CNTNAP2: variants seen among roughly 807,000 people sequenced by gnomAD.
The protein encoded by CNTNAP2 is contactin-associated protein-like 2.
Under a neutral mutation model 155.2 loss-of-function variants are expected in CNTNAP2, and 98 were observed. The observed-to-expected ratio is 0.63, with a 90% CI of 0.54 to 0.75. CNTNAP2 has a LOEUF of 0.75. CNTNAP2 is among the 30% of genes least tolerant of loss of function. The pLI, the probability that CNTNAP2 is intolerant of heterozygous loss-of-function variation, is 0.00. For synonymous variants in CNTNAP2, 651 were observed against 631.2 expected (o/e 1.03, Z -0.47); for missense variants, 1,727 against 1,688.1 (o/e 1.02, Z -0.40).
chr7:147,883,982 T>TTA (rs2116720373), intron 13 of CNTNAP2, among the ~76,000 whole-genome samples: 1 of 152,180 alleles, frequency 6.6e-6, no homozygotes, highest in Non-Finnish European at 1.5e-5. Flanking sequence ...TGCAAATAGA[T>TTA]AAATAAAGTA....
intron 21 of CNTNAP2, among the ~76,000 whole-genome samples, chr7:148,381,878 C>A (rs924959172): frequency 2.1e-5 from 3 of 144,546 alleles, no homozygotes; most frequent in East Asian, 4.1e-4. Flanking sequence ...TGGCCCCCCC[C>A]CAGGGGAATT....
intron 1 of CNTNAP2, among the ~76,000 whole-genome samples, chr7:146,546,663 A>G (rs1798033766): frequency 6.6e-6 from 1 of 151,954 alleles, no homozygotes; most frequent in Admixed American, 6.6e-5. Context: ...TATAAAGGAA[A>G]GAGATGTAAT....
In CNTNAP2 at chr7:147,689,523, T is replaced by G. The variant is rs551576496; in HGVS notation, c.2098+50217T>G. The stretch of plus-strand genomic sequence containing the variant: ...CATCTTTTCTATCACGTTATTCTCT[T>G]TACACATTTGTCCGATTTCTTTCTG... On this transcript the variant is annotated intron_variant, in intron 13 of 23. Transcript: ENST00000361727. Among the ~76,000 whole-genome samples the G allele has an allele frequency of 1.5e-3, 236 of 152,324 alleles. 3 individuals are homozygous for G. The highest frequency in any genetic ancestry group is 5.3e-3 in the African/African-American group (219 of 41,576).
intron 5 of CNTNAP2, among the ~76,000 whole-genome samples, chr7:147,111,561 G>A (rs1800880663): frequency 6.6e-6 from 1 of 152,038 alleles, no homozygotes; most frequent in Non-Finnish European, 1.5e-5. Flanking sequence ...GTAAGGAAGG[G>A]GTCCAGTTTC....
chr7:147,889,222 A>G (rs1799646315), intron 13 of CNTNAP2, among the ~76,000 whole-genome samples: 1 of 152,148 alleles, frequency 6.6e-6, no homozygotes, highest in South Asian at 2.1e-4. Context: ...AAGAAAAAAT[A>G]CTTAAACATT....
In CNTNAP2 at chr7:147,884,270, C is replaced by A. The variant is rs1799570493; in HGVS notation, c.2099-19295C>A. On this transcript the variant is annotated intron_variant, in intron 13 of 23. Coordinates refer to ENST00000361727, the MANE Select transcript of CNTNAP2 (RefSeq NM_014141.6). The stretch of plus-strand genomic sequence containing the variant: ...AGAGGTCAGTGATAAATAAGGAATT[C>A]ATTCTTCACAGAAAATGGGGCGATG... Among the ~76,000 whole-genome samples the A allele has an allele frequency of 3.9e-5, 6 of 152,134 alleles. No homozygotes were observed. In the South Asian group the frequency reaches 1.2e-3, roughly 32 times the overall value.
chr7:146,184,193 C>G (rs949374278), intron 1 of CNTNAP2, among the ~76,000 whole-genome samples: 1 of 152,158 alleles, frequency 6.6e-6, no homozygotes, highest in Non-Finnish European at 1.5e-5. Flanking sequence ...CTGTACTGAA[C>G]TTTGCAACTC....
chr7:146,270,698 T>A (rs1167840210), intron 1 of CNTNAP2, among the ~76,000 whole-genome samples: 4 of 152,158 alleles, frequency 2.6e-5, no homozygotes, highest in African/African-American at 9.7e-5. Flanking sequence ...CTTTAAGCCT[T>A]AGATTGTAAA....
chr7:146,574,684 A>G (rs1386128887), intron 1 of CNTNAP2, among the ~76,000 whole-genome samples: 3 of 152,210 alleles, frequency 2.0e-5, no homozygotes, highest in Non-Finnish European at 4.4e-5. Context: ...CTGGTGACAG[A>G]GCGAGACTCC....
At chr7:147,193,911 T>G (rs376970199) in intron 8 of CNTNAP2, among the ~76,000 whole-genome samples, 1 of 151,920 alleles carries the variant, frequency 6.6e-6, no homozygotes, top group Non-Finnish European at 1.5e-5. Flanking sequence ...AAAGTGGATT[T>G]AAGCATTAGA....
At chr7:146,528,660 GTTGAAA>G (rs1797724991) in intron 1 of CNTNAP2, among the ~76,000 whole-genome samples, 1 of 152,196 alleles carries the variant, frequency 6.6e-6, no homozygotes, top group Non-Finnish European at 1.5e-5. Flanking sequence ...CACAGAAGCT[GTTGAAA>G]TTAGTGAGGA....
intron 15 of CNTNAP2, among the ~76,000 whole-genome samples, chr7:148,105,663 C>A (rs1341728241): frequency 6.6e-6 from 1 of 152,020 alleles, no homozygotes; most frequent in East Asian, 1.9e-4. Context: ...TCTTGGCTCA[C>A]CACAACCTCC....
intron 21 of CNTNAP2, among the ~76,000 whole-genome samples, chr7:148,353,809 T>C (rs189879684): frequency 6.6e-6 from 1 of 152,224 alleles, no homozygotes; most frequent in Non-Finnish European, 1.5e-5. Flanking sequence ...AATAAGTACA[T>C]TTTTGGGGTA....
chr7:148,038,606 T>C (rs894565205), intron 15 of CNTNAP2, among the ~76,000 whole-genome samples: 1 of 152,222 alleles, frequency 6.6e-6, no homozygotes, highest in African/African-American at 2.4e-5. Context: ...TATAGTATCC[T>C]TGTGTCTCAA....
intron 13 of CNTNAP2, among the ~76,000 whole-genome samples, chr7:147,783,471 G>C (rs1172784535): frequency 2.6e-5 from 4 of 152,074 alleles, no homozygotes; most frequent in African/African-American, 7.2e-5. Flanking sequence ...AATCCTTTTT[G>C]GTGCTTATAT....
At chr7:146,951,376 A>G (rs985467685) in intron 3 of CNTNAP2, among the ~76,000 whole-genome samples, 4 of 152,042 alleles carry the variant, frequency 2.6e-5, no homozygotes, top group Non-Finnish European at 5.9e-5. Flanking sequence ...GCCCATGTCT[A>G]TATTCTGAAT....
intron 1 of CNTNAP2, among the ~76,000 whole-genome samples, chr7:146,221,166 G>C (rs1799202957): frequency 6.6e-6 from 1 of 152,070 alleles, no homozygotes; most frequent in South Asian, 2.1e-4. Context: ...TTAGGATATT[G>C]TCACTTTTGT....
At chr7:146,838,827 C>T (rs1803666332) in intron 2 of CNTNAP2, among the ~76,000 whole-genome samples, 1 of 152,080 alleles carries the variant, frequency 6.6e-6, no homozygotes, top group African/African-American at 2.4e-5. Context: ...ATATACTGTA[C>T]ATTGGATAAT....
At chr7:147,552,962 G>A (rs1490049129) in intron 11 of CNTNAP2, among the ~76,000 whole-genome samples, 1 of 152,104 alleles carries the variant, frequency 6.6e-6, no homozygotes, top group Non-Finnish European at 1.5e-5. Context: ...ACAGTCAAGA[G>A]GCAAAAAGAA....
Sources: allele counts gnomAD v4.1 joint callset (sites outside exome capture counted in the v4.1 genomes callset), GRCh38; gene constraint gnomAD v4.1.1; transcripts MANE v1.5; gene names NCBI Gene and HGNC (gene_info 2026-07-23, HGNC 2026-07-21).